Variants in SFTPD observed in about 807,000 individuals in gnomAD.
SFTPD encodes pulmonary surfactant-associated protein D.
Under a neutral mutation model 34.6 loss-of-function variants are expected in SFTPD, and 18 were observed. That is an observed-to-expected ratio of 0.52 (90% CI 0.36 to 0.77). The LOEUF (loss-of-function observed/expected upper bound fraction) is 0.77, where lower values mean the gene tolerates loss of function less well. SFTPD is among the 30% of genes least tolerant of loss of function. The probability of loss-of-function intolerance (pLI) is 0.00; values close to 1 mark genes in which losing one functional copy is unlikely to be tolerated. For missense variants in SFTPD, 433 were observed against 468.9 expected (o/e 0.92, Z 0.71); for synonymous variants, 155 against 180.9 (o/e 0.86, Z 1.15).
At chr10:79,981,626 C>A (rs892978528) in intron 1 of SFTPD, among the ~76,000 whole-genome samples, 1 of 152,156 alleles carries the variant, frequency 6.6e-6, no homozygotes, top group African/African-American at 2.4e-5. Context: ...CCTCCCCTGG[C>A]GCACCGCCCG....
intron 1 of SFTPD, among the ~76,000 whole-genome samples, chr10:79,966,444 T>G: frequency 1.1e-5 from 1 of 91,840 alleles, no homozygotes; most frequent in African/African-American, 6.2e-5. Flanking sequence ...GTTTTTTTCT[T>G]GTAAATTTGT....
At chr10:79,948,674 C>T (rs1303553759) in intron 1 of SFTPD, among the ~76,000 whole-genome samples, 4 of 152,144 alleles carry the variant, frequency 2.6e-5, no homozygotes, top group East Asian at 1.9e-4. Flanking sequence ...GGTTTAGAAC[C>T]CCAGCCTGTG....
chr10:79,940,420 G>T (rs1273137750), intron 7 of SFTPD, among the ~76,000 whole-genome samples: 2 of 152,196 alleles, frequency 1.3e-5, no homozygotes, highest in Non-Finnish European at 2.9e-5. Flanking sequence ...TGGTGAGCTG[G>T]TGATAGGGGC....
At chr10:79,946,007 G>A (rs1201595775) in intron 2 of SFTPD, among the ~76,000 whole-genome samples, 1 of 152,214 alleles carries the variant, frequency 6.6e-6, no homozygotes, top group Non-Finnish European at 1.5e-5. Context: ...CCCGTGTAAT[G>A]TATTAGAGCA....
At position 79,959,182 on chromosome 10, in the gene SFTPD, A is replaced by G. The variant is rs1488692281; in HGVS notation, c.37-12520T>C. On this transcript the variant is annotated intron_variant, in intron 1 of 5. Coordinates refer to the SFTPD transcript ENST00000444384. ...AAATTTATAGCACTAAATGCCCACAAGAGAAAGCAGGAAAGATCCAAAATT... is the reference window on the plus strand; with the variant it reads ...AAATTTATAGCACTAAATGCCCACAGGAGAAAGCAGGAAAGATCCAAAATT... 2.0e-5 allele frequency among the ~76,000 whole-genome samples: 3 copies of G among 150,898 alleles called. No individual in the cohort carries two copies. In the East Asian group the frequency reaches 5.8e-4, roughly 29 times the overall value.
intron 2 of SFTPD, among the ~76,000 whole-genome samples, chr10:79,945,694 C>A (rs552108754): frequency 1.3e-5 from 2 of 152,246 alleles, no homozygotes; most frequent in South Asian, 2.1e-4. Context: ...AAAAATAAAG[C>A]CTTTGGCTCA....
intron 1 of SFTPD, among the ~76,000 whole-genome samples, chr10:79,977,975 A>T (rs1231268043): frequency 1.3e-5 from 2 of 152,246 alleles, no homozygotes; most frequent in Non-Finnish European, 2.9e-5. Context: ...TCTGAGTTCA[A>T]GAATTTCTTG....
chr10:79,947,890 C>T (rs1394638668), intron 1 of SFTPD, among the ~76,000 whole-genome samples: 4 of 152,094 alleles, frequency 2.6e-5, no homozygotes, highest in Non-Finnish European at 5.9e-5. Context: ...CAATGAGAAA[C>T]CGTAAAGTTA....
intron 2 of SFTPD, 103 bp downstream of exon 2, chr10:79,946,356 AAC>A (rs1842663897): frequency 1.2e-6 from 1 of 864,404 alleles, no homozygotes; most frequent in Non-Finnish European, 1.9e-6. Context: ...GGGAGGAAGA[AAC>A]ACGTCTCCAG....
upstream of SFTPD, chr10:79,950,010 C>T (rs940025969): frequency 6.6e-6 from 1 of 152,020 alleles, no homozygotes; most frequent in Non-Finnish European, 1.5e-5. Context: ...GCTAATTTCT[C>T]TTTTTAATTT....
intron 2 of SFTPD, among the ~76,000 whole-genome samples, chr10:79,944,602 G>T (rs757141267): frequency 6.6e-6 from 1 of 152,142 alleles, no homozygotes; most frequent in African/African-American, 2.4e-5. Flanking sequence ...GAGCAGCAGG[G>T]GTACAGGGGT....
intron 1 of SFTPD, among the ~76,000 whole-genome samples, chr10:79,974,697 A>G (rs75874280): frequency 0.019 from 2,898 of 152,244 alleles, 102 homozygotes; most frequent in African/African-American, 0.066. Context: ...TCTCCTCATC[A>G]CACCCTTCTA....
chr10:79,960,395 C>G (rs1163749025), intron 1 of SFTPD, among the ~76,000 whole-genome samples: 1 of 151,120 alleles, frequency 6.6e-6, no homozygotes, highest in Non-Finnish European at 1.5e-5. Context: ...TCTAGAAAAC[C>G]CCATCGTCTC....
chr10:79,938,334 A>C, intron 7 of SFTPD, 106 bp from the exon 8 acceptor site: 1 of 1,013,644 alleles, frequency 9.9e-7, no homozygotes, highest in Non-Finnish European at 1.4e-6. Flanking sequence ...CCTCCCAAAC[A>C]GGCACCGCAT....
intron 1 of SFTPD, among the ~76,000 whole-genome samples, chr10:79,958,439 G>A (rs192178511): frequency 8.7e-5 from 13 of 149,052 alleles, no homozygotes; most frequent in South Asian, 2.1e-4. Context: ...AGGCTCCTTC[G>A]TAGAGGAAGA....
intron 1 of SFTPD, among the ~76,000 whole-genome samples, chr10:79,981,179 A>G (rs923076278): frequency 5.9e-5 from 9 of 152,160 alleles, no homozygotes; most frequent in South Asian, 2.1e-4. Context: ...GAAAAATTCA[A>G]TTGACACACT....
chr10:79,975,255 G>C (rs990139662), intron 1 of SFTPD, among the ~76,000 whole-genome samples: 1 of 152,174 alleles, frequency 6.6e-6, no homozygotes, highest in Non-Finnish European at 1.5e-5. Context: ...TAAGGAGGGG[G>C]TGCAGAAGGG....
intron 1 of SFTPD, among the ~76,000 whole-genome samples, chr10:79,947,368 C>T (rs1842675800): frequency 6.6e-6 from 1 of 152,192 alleles, no homozygotes; most frequent in African/African-American, 2.4e-5. Flanking sequence ...ACCTAGAGTT[C>T]TTCTAAGACC....
chr10:79,946,804 C>T, intron 1 of SFTPD, 142 bp from the exon 2 acceptor site: 1 of 750,150 alleles, frequency 1.3e-6, no homozygotes, highest in Middle Eastern at 3.8e-4. Flanking sequence ...AGCAGGAATC[C>T]AAAAGCAGTT....
Sources: allele counts gnomAD v4.1 joint callset (sites outside exome capture counted in the v4.1 genomes callset), GRCh38; gene constraint gnomAD v4.1.1; transcripts MANE v1.5; gene names NCBI Gene and HGNC (gene_info 2026-07-23, HGNC 2026-07-21).